The following MAGI2 variants were observed in gnomAD, a reference collection of about 807,000 sequenced individuals.
MAGI2 encodes membrane-associated guanylate kinase, WW and PDZ domain-containing protein 2.
In MAGI2, 35 loss-of-function variants were observed where a neutral mutation model predicts 133.3. The ratio of observed to expected loss-of-function variants is 0.26; its 90% confidence interval spans 0.20 to 0.35. The LOEUF (loss-of-function observed/expected upper bound fraction) is 0.35. MAGI2 is among the 10% of genes least tolerant of loss of function. The pLI, the probability that MAGI2 is intolerant of heterozygous loss-of-function variation, is 1.00. For synonymous variants in MAGI2, 729 were observed against 710.6 expected (o/e 1.03, Z -0.41); for missense variants, 1,636 against 1,863.4 (o/e 0.88, Z 2.25).
intron 9 of MAGI2, among the ~76,000 whole-genome samples, chr7:78,323,658 C>G (rs1426569757): frequency 6.6e-6 from 1 of 152,086 alleles, no homozygotes; most frequent in Non-Finnish European, 1.5e-5. Flanking sequence ...TTCCCCCCGG[C>G]CCCATAGAAC....
chr7:78,919,462 TTAAC>T (rs1357582990), intron 2 of MAGI2, among the ~76,000 whole-genome samples: 1 of 152,118 alleles, frequency 6.6e-6, no homozygotes, highest in Non-Finnish European at 1.5e-5. Context: ...CATGATGTGT[TTAAC>T]TATTTACGAT....
chr7:79,088,005 A>C (rs370653259), intron 1 of MAGI2, among the ~76,000 whole-genome samples: 16 of 152,176 alleles, frequency 1.1e-4, no homozygotes, highest in African/African-American at 3.9e-4. Context: ...CTAAATGTAA[A>C]GTAGTTTTCT....
chr7:79,309,416 T>C (rs901001077), intron 1 of MAGI2, among the ~76,000 whole-genome samples: 28 of 150,620 alleles, frequency 1.9e-4, no homozygotes, highest in African/African-American at 6.3e-4. Flanking sequence ...AATATAGATA[T>C]GATTTAGAGT....
chr7:78,495,819 T>A (rs1338985268), intron 5 of MAGI2, among the ~76,000 whole-genome samples: 1 of 152,230 alleles, frequency 6.6e-6, no homozygotes, highest in African/African-American at 2.4e-5. Context: ...TATTGCACAC[T>A]GTTTTGTCTA....
intron 16 of MAGI2, among the ~76,000 whole-genome samples, chr7:78,147,411 T>C (rs190842209): frequency 6.6e-6 from 1 of 152,332 alleles, no homozygotes; most frequent in East Asian, 1.9e-4. Context: ...GATTTCTGCT[T>C]ATATGTACTT....
At chr7:78,700,327 G>T (rs1156693709) in intron 2 of MAGI2, among the ~76,000 whole-genome samples, 4 of 152,080 alleles carry the variant, frequency 2.6e-5, no homozygotes, top group Non-Finnish European at 5.9e-5. Context: ...TTTGTGAAAA[G>T]CATGGTCAGT....
At chr7:79,215,647 AC>A (rs947718010) in intron 1 of MAGI2, among the ~76,000 whole-genome samples, 14 of 151,690 alleles carry the variant, frequency 9.2e-5, no homozygotes, top group South Asian at 2.1e-4. Context: ...CACCTCCCTG[AC>A]CCCCTCCCAC....
chr7:79,171,770 A>ATATATATATATATATATATTTTTTT, intron 1 of MAGI2, among the ~76,000 whole-genome samples: 7 of 31,216 alleles, frequency 2.2e-4, no homozygotes, highest in Non-Finnish European at 4.4e-4. Context: ...ATATATATAT[A>ATATATATATATATATATATTTTTTT]TTTTTTTTTT....
intron 2 of MAGI2, among the ~76,000 whole-genome samples, chr7:78,951,226 C>G (rs917747291): frequency 3.9e-5 from 6 of 152,092 alleles, no homozygotes; most frequent in Admixed American, 3.9e-4. Flanking sequence ...ACCACCTTAG[C>G]CTTCCAAAGT....
At chr7:78,325,980 A>G (rs892496010) in intron 9 of MAGI2, among the ~76,000 whole-genome samples, 3 of 152,120 alleles carry the variant, frequency 2.0e-5, no homozygotes, top group Admixed American at 1.3e-4. Context: ...CATTCCTCTT[A>G]AGCAGACTTT....
chr7:79,167,976 T>C (rs1230263716), intron 1 of MAGI2, among the ~76,000 whole-genome samples: 6 of 152,138 alleles, frequency 3.9e-5, no homozygotes, highest in Non-Finnish European at 8.8e-5. Flanking sequence ...AACAATAGCA[T>C]GAACGATCTG....
rs1321067876 is a variant in MAGI2, at chr7:78,031,004, CTG to C, written c.3707-11030_3707-11029del. Among the ~76,000 whole-genome samples the C allele has an allele frequency of 2.0e-5, 3 of 152,320 alleles. No homozygotes were observed. In the East Asian group the frequency reaches 5.8e-4, roughly 29 times the overall value. Reference sequence around the variant, plus strand: ...ATCAACTGGTGAATGGATAAGCACTCTGTGGTACAATGGGATAGTTCTCAGCT... The same window carrying C: ...ATCAACTGGTGAATGGATAAGCACTCTGGTACAATGGGATAGTTCTCAGCT... On this transcript the variant is annotated intron_variant, in intron 21 of 21. Transcript: ENST00000354212.
At chr7:78,286,057 T>A (rs952060147) in intron 9 of MAGI2, among the ~76,000 whole-genome samples, 3 of 152,284 alleles carry the variant, frequency 2.0e-5, no homozygotes, top group African/African-American at 7.2e-5. Context: ...GTGCACTGCA[T>A]TACTAAGCAA....
intron 9 of MAGI2, among the ~76,000 whole-genome samples, chr7:78,276,697 T>A (rs1795096060): frequency 2.0e-5 from 3 of 152,200 alleles, no homozygotes; most frequent in Admixed American, 2.0e-4. Context: ...ACATATTATA[T>A]GTATATGAAA....
chr7:78,679,689 A>G (rs1281421144), intron 2 of MAGI2, among the ~76,000 whole-genome samples: 2 of 152,198 alleles, frequency 1.3e-5, no homozygotes, highest in Non-Finnish European at 2.9e-5. Context: ...TTACACGTAG[A>G]AAAGACAGGT....
At chr7:79,249,762 CAGAT>C (rs1833093002) in intron 1 of MAGI2, among the ~76,000 whole-genome samples, 1 of 152,044 alleles carries the variant, frequency 6.6e-6, no homozygotes, top group Non-Finnish European at 1.5e-5. Flanking sequence ...TATCCTGAAA[CAGAT>C]AGGAAGAGGG....
intron 2 of MAGI2, among the ~76,000 whole-genome samples, chr7:78,839,781 T>C (rs762782370): frequency 6.6e-6 from 1 of 152,100 alleles, no homozygotes; most frequent in Admixed American, 6.6e-5. Flanking sequence ...CATGTTATAC[T>C]ACAGTTTATA....
chr7:79,312,047 C>G (rs148426135), intron 1 of MAGI2, among the ~76,000 whole-genome samples: 1 of 152,294 alleles, frequency 6.6e-6, no homozygotes, highest in Middle Eastern at 3.4e-3. Context: ...ATTTAATACA[C>G]ATTAAGGTCA....
intron 1 of MAGI2, among the ~76,000 whole-genome samples, chr7:79,209,811 T>C (rs529922028): frequency 6.6e-6 from 1 of 152,204 alleles, no homozygotes; most frequent in African/African-American, 2.4e-5. Flanking sequence ...ATTTATCTCC[T>C]CTATAAGACT....
Sources: allele counts gnomAD v4.1 joint callset (sites outside exome capture counted in the v4.1 genomes callset), GRCh38; gene constraint gnomAD v4.1.1; transcripts MANE v1.5; gene names NCBI Gene and HGNC (gene_info 2026-07-23, HGNC 2026-07-21).